PLPPR1: variants seen among roughly 807,000 people sequenced by gnomAD.
PLPPR1 encodes phospholipid phosphatase related 1, also known as phospholipid phosphatase-related protein type 1.
Under a neutral mutation model 33.1 loss-of-function variants are expected in PLPPR1, and 10 were observed. The observed-to-expected ratio is 0.30, with a 90% CI of 0.19 to 0.51. The LOEUF is 0.51. Ranked by LOEUF, PLPPR1 falls within the 20% of genes least tolerant of loss-of-function variation. The probability of loss-of-function intolerance (pLI) is 0.97; values close to 1 mark genes in which losing one functional copy is unlikely to be tolerated. For missense variants in PLPPR1, 304 were observed against 408.1 expected (o/e 0.74, Z 2.20); for synonymous variants, 151 against 151.0 (o/e 1.00, Z 0.00).
chr9:101,078,629 G>A (rs1340751104), intron 1 of PLPPR1, among the ~76,000 whole-genome samples: 1 of 151,974 alleles, frequency 6.6e-6, no homozygotes, highest in African/African-American at 2.4e-5. Flanking sequence ...GGAGGTAGAG[G>A]TTGCAGTGAG....
intron 2 of PLPPR1, chr9:101,187,539 G>C (rs1826225507): frequency 6.6e-6 from 1 of 151,952 alleles, no homozygotes; most frequent in South Asian, 2.1e-4. Context: ...GAAATAGGCA[G>C]GCAAAAGGGA....
chr9:101,225,039 A>G (rs1827034435), intron 2 of PLPPR1, among the ~76,000 whole-genome samples: 1 of 152,234 alleles, frequency 6.6e-6, no homozygotes, highest in Non-Finnish European at 1.5e-5. Flanking sequence ...TTTTATAGCC[A>G]GAAATGTGCC....
intron 1 of PLPPR1, among the ~76,000 whole-genome samples, chr9:101,052,320 G>T (rs1013178258): frequency 2.0e-5 from 3 of 152,162 alleles, no homozygotes; most frequent in Non-Finnish European, 4.4e-5. Flanking sequence ...GGAACTTTGG[G>T]CATGTCTAGA....
At chr9:101,210,469 G>C (rs990540970) in intron 2 of PLPPR1, among the ~76,000 whole-genome samples, 2 of 152,094 alleles carry the variant, frequency 1.3e-5, no homozygotes, top group Non-Finnish European at 2.9e-5. Context: ...GTCTTCTGCA[G>C]GGGGTACTTG....
At chr9:101,179,603 G>T (rs1012295179) in intron 1 of PLPPR1, among the ~76,000 whole-genome samples, 1 of 151,994 alleles carries the variant, frequency 6.6e-6, no homozygotes, top group Non-Finnish European at 1.5e-5. Flanking sequence ...TTGTATGAAG[G>T]GTAGTTGTAT....
At chr9:101,221,264 CT>C (rs1046568200) in intron 2 of PLPPR1, among the ~76,000 whole-genome samples, 2 of 151,608 alleles carry the variant, frequency 1.3e-5, no homozygotes, top group Non-Finnish European at 2.9e-5. Flanking sequence ...CCCCCCAAGT[CT>C]CCAAAATCCA....
At chr9:101,188,836 T>C (rs1306290531) in intron 2 of PLPPR1, among the ~76,000 whole-genome samples, 1 of 152,150 alleles carries the variant, frequency 6.6e-6, no homozygotes, top group East Asian at 1.9e-4. Flanking sequence ...GACCATTCTT[T>C]GGCTACTTCG....
At chr9:101,107,265 C>T (rs1830983600) in intron 1 of PLPPR1, among the ~76,000 whole-genome samples, 1 of 65,818 alleles carries the variant, frequency 1.5e-5, no homozygotes, top group Non-Finnish European at 2.6e-5. Context: ...CTGTTTTTTC[C>T]CCATCTTTGT....
intron 2 of PLPPR1, among the ~76,000 whole-genome samples, chr9:101,215,269 G>A (rs1207935674): frequency 6.6e-6 from 1 of 151,914 alleles, no homozygotes; most frequent in Admixed American, 6.6e-5. Context: ...TGTGCTACCT[G>A]ATACTAGGTC....
chr9:101,313,436 T>C (rs1828997633), intron 6 of PLPPR1, among the ~76,000 whole-genome samples: 1 of 152,164 alleles, frequency 6.6e-6, no homozygotes, highest in Non-Finnish European at 1.5e-5. Flanking sequence ...AATTCCAAAG[T>C]TGCATCTCCT....
chr9:101,120,215 T>C (rs1482014668), intron 1 of PLPPR1, among the ~76,000 whole-genome samples: 1 of 152,226 alleles, frequency 6.6e-6, no homozygotes, highest in Non-Finnish European at 1.5e-5. Context: ...TTATTTTCCA[T>C]TTTATTTTTA....
intron 4 of PLPPR1, among the ~76,000 whole-genome samples, chr9:101,294,612 G>T (rs1293058717): frequency 6.6e-6 from 1 of 152,104 alleles, no homozygotes; most frequent in Non-Finnish European, 1.5e-5. Context: ...CCATGATCAA[G>T]TGGGCTTCAT....
At chr9:101,057,306 T>C (rs1182157952) in intron 1 of PLPPR1, among the ~76,000 whole-genome samples, 1 of 152,172 alleles carries the variant, frequency 6.6e-6, no homozygotes, top group African/African-American at 2.4e-5. Flanking sequence ...TGATCAACTA[T>C]TTTCTTGGTT....
At chr9:101,218,525 C>G (rs1357376002) in intron 2 of PLPPR1, among the ~76,000 whole-genome samples, 1 of 152,058 alleles carries the variant, frequency 6.6e-6, no homozygotes, top group Non-Finnish European at 1.5e-5. Flanking sequence ...GTAGATAACA[C>G]TATACTCCCT....
At chr9:101,299,000 A>G (rs910996467) in intron 4 of PLPPR1, among the ~76,000 whole-genome samples, 2 of 152,210 alleles carry the variant, frequency 1.3e-5, no homozygotes, top group African/African-American at 2.4e-5. Flanking sequence ...GGCCAGCTCC[A>G]TGTGCTGACC....
intron 1 of PLPPR1, among the ~76,000 whole-genome samples, chr9:101,115,920 G>T (rs185596516): frequency 6.6e-6 from 1 of 152,298 alleles, no homozygotes; most frequent in East Asian, 1.9e-4. Context: ...ACCACTTTAT[G>T]CTAAGTTCCA....
chr9:101,172,658 C>A (rs933627502), intron 1 of PLPPR1, among the ~76,000 whole-genome samples: 3 of 152,106 alleles, frequency 2.0e-5, no homozygotes, highest in African/African-American at 7.2e-5. Context: ...CCTCTGCAAA[C>A]CCCCAAGTGC....
chr9:101,294,151 T>G lies in PLPPR1; in HGVS notation c.385+7915T>G, dbSNP rs368932111. Among the ~76,000 whole-genome samples the G allele has an allele frequency of 5.4e-4, 80 of 148,740 alleles. No individual in the cohort carries two copies. In the South Asian group the frequency reaches 8.5e-3, roughly 16 times the overall value. On this transcript the variant is annotated intron_variant, in intron 4 of 7. Coordinates refer to ENST00000374874, the MANE Select transcript of PLPPR1 (RefSeq NM_207299.2). ...ACCGATCCCACAGAAATACAAACTA[T>G]CATCAGAGAATACTACAAACACCTC...
intron 1 of PLPPR1, among the ~76,000 whole-genome samples, chr9:101,136,048 TC>T (rs912912388): frequency 1.4e-4 from 21 of 152,320 alleles, no homozygotes; most frequent in Non-Finnish European, 2.2e-4. Context: ...GATACGTTTT[TC>T]CCCCTCATCA....
Sources: gnomAD v4.1 joint callset for allele counts (sites outside exome capture counted in the v4.1 genomes callset) on GRCh38, gnomAD v4.1.1 for gene constraint, MANE v1.5 for transcripts, NCBI Gene and HGNC (gene_info 2026-07-23, HGNC 2026-07-21) for gene names.